SLC5A6: variants seen among roughly 807,000 people sequenced by gnomAD.
SLC5A6 encodes the protein sodium-dependent multivitamin transporter.
A neutral mutation model predicts 67.9 loss-of-function variants in SLC5A6; 31 were observed. The observed-to-expected ratio is 0.46, with a 90% CI of 0.34 to 0.62. The LOEUF (loss-of-function observed/expected upper bound fraction) is 0.62. SLC5A6 is among the 20% of genes least tolerant of loss of function. The pLI, the probability that SLC5A6 is intolerant of heterozygous loss-of-function variation, is 0.01. For synonymous variants in SLC5A6, 343 were observed against 331.0 expected (o/e 1.04, Z -0.39); for missense variants, 673 against 812.8 (o/e 0.83, Z 2.09).
rs1163170087 is a variant in SLC5A6, at chr2:27,201,390, G to C, written c.1608C>G (p.Thr536=). 3 of 1,613,148 alleles carry C rather than the reference G, an allele frequency of 1.9e-6. No individual in the cohort carries two copies. In the Admixed American group the frequency reaches 5.0e-5, roughly 27 times the overall value. The change falls in exon 15 of 17, where the codon ACC becomes ACG. Residue 536 remains threonine, a synonymous_variant. Transcript: ENST00000310574. ...CAATCAGGCCCACCACAATCACTGT[G>C]GTGGAGTTGTGAGCACTGTACCATA... ...SYLWYSAHNS[T]TVIVVGLIVS...
intron 10 of SLC5A6, 150 bp from the exon 11 acceptor site, chr2:27,203,495 G>A: frequency 2.9e-6 from 2 of 690,176 alleles, no homozygotes; most frequent in Non-Finnish European, 4.9e-6. Flanking sequence ...CCTCAGAGCG[G>A]GCCTGGAAGG....
upstream of SLC5A6, chr2:27,212,324 G>A (rs369868002): frequency 5.8e-6 from 9 of 1,549,242 alleles, no homozygotes; most frequent in Non-Finnish European, 6.1e-6. Context: ...GGGCGGGGCC[G>A]CGGGGCCGGG....
chr2:27,201,192 A>G, intron 15 of SLC5A6, 79 bp from the exon 16 acceptor site: 1 of 1,144,072 alleles, frequency 8.7e-7, no homozygotes, highest in Middle Eastern at 2.2e-4. Flanking sequence ...TGGCCCCCAG[A>G]GACCCCAGCC....
Position 27,207,020 on chromosome 2 carries a change from G to T in SLC5A6, c.394-78C>A. ...AGACAAATTCCCTCAAGATGCTCAG[G>T]AACATGAGGGAATATCCAACCCATA... On this transcript the variant is annotated intron_variant, in intron 3 of 16. Coordinates refer to ENST00000310574, the MANE Select transcript of SLC5A6 (RefSeq NM_021095.4). This position sits in a 1 kb window ranked among gnomAD's most constrained non-coding sequence, Gnocchi z 5.5. 1.6e-6 allele frequency: 2 copies of T among 1,272,386 alleles called. No homozygotes were observed. Among genetic ancestry groups the T allele is most frequent in the Non-Finnish European group, 2.3e-6 (2 of 869,116 alleles). The allele number at this position is 1,272,386 out of a possible 1,614,324, so 78.8% of individuals were successfully genotyped here. A position where few individuals can be genotyped will look rare whatever the true frequency, so the allele number is the denominator to read the frequency against.
intron 2 of SLC5A6, among the ~76,000 whole-genome samples, chr2:27,209,138 G>C (rs1387771211): frequency 6.6e-6 from 1 of 152,218 alleles, no homozygotes; most frequent in Non-Finnish European, 1.5e-5. Flanking sequence ...GATGGTTCAA[G>C]TGACCTTTCC....
chr2:27,202,732 T>C (rs1673750331), intron 12 of SLC5A6, 81 bp downstream of exon 12: 3 of 1,230,576 alleles, frequency 2.4e-6, no homozygotes, highest in Non-Finnish European at 3.6e-6. Flanking sequence ...TTCCCCTCAA[T>C]ATAGCTGCCC....
Position 27,204,521 on chromosome 2 carries a change from C to T in SLC5A6, c.945G>A (p.Met315Ile). The T allele has an allele frequency of 1.2e-6, 2 of 1,614,078 alleles. No homozygotes were observed. The highest frequency in any genetic ancestry group is 1.7e-6 in the Non-Finnish European group (2 of 1,179,976). Residue 315 changes from methionine (M) to isoleucine (I), a missense_variant, in exon 9 of 17, where the codon ATG becomes ATA. Coordinates refer to ENST00000310574, the MANE Select transcript of SLC5A6 (RefSeq NM_021095.4). ...LCVGCLIGLV[M>I]FAYYQEYPMS... ...TGGGATACTCCTGGTAATACGCGAA[C>T]ATGACCAGGCCAATGAGGCAGCCCA...
chr2:27,212,075 C>A lies in SLC5A6; in HGVS notation c.-263G>T. On this transcript the variant is annotated 5_prime_UTR_variant, in exon 1 of 17. Coordinates refer to ENST00000310574, the MANE Select transcript of SLC5A6 (RefSeq NM_021095.4). ...CGAAGCCGCGACCTCGGCGTCCGGA[C>A]GCGGGGAACACCGGGCTGAGGGAGT... is the stretch of plus-strand genomic sequence containing the variant. 2 of 1,280,592 alleles carry A rather than the reference C, an allele frequency of 1.6e-6. No individual in the cohort carries two copies. The highest frequency in any genetic ancestry group is 2.1e-6 in the Non-Finnish European group (2 of 955,762). 79.3% of individuals were successfully genotyped at this position (1,280,592 alleles called of 1,614,324 possible).
chr2:27,202,360 G>C (rs752934795), intron 12 of SLC5A6, among the ~76,000 whole-genome samples: 2 of 152,032 alleles, frequency 1.3e-5, no homozygotes, highest in Non-Finnish European at 2.9e-5. Flanking sequence ...AAATTAGCCA[G>C]ACACGGTGGC....
At position 27,207,793 on chromosome 2, in the gene SLC5A6, G is replaced by A. The variant is rs1674184610; in HGVS notation, c.-140-3C>T. The A allele has an allele frequency of 1.3e-6, 1 of 763,342 alleles. No individual in the cohort carries two copies. Among genetic ancestry groups the A allele is most frequent in the Non-Finnish European group, 2.1e-6 (1 of 480,470 alleles). 47.3% of individuals were successfully genotyped at this position (763,342 alleles called of 1,614,324 possible). A position where few individuals can be genotyped will look rare whatever the true frequency, so the allele number is the denominator to read the frequency against. On this transcript the variant is annotated splice_polypyrimidine_tract_variant and splice_region_variant and intron_variant, in intron 2 of 16. Coordinates refer to ENST00000310574, the MANE Select transcript of SLC5A6 (RefSeq NM_021095.4). This position sits in a 1 kb window ranked among gnomAD's most constrained non-coding sequence, Gnocchi z 5.5. ...GGAGTGATACTGTCCAGGGTGAGCTGCAAAGGAATTAGCTCTTAGTGAGGC... is the reference window on the plus strand; with the variant it reads ...GGAGTGATACTGTCCAGGGTGAGCTACAAAGGAATTAGCTCTTAGTGAGGC...
At chr2:27,204,652 C>T in intron 8 of SLC5A6, 62 bp from the exon 9 acceptor site, 3 of 1,602,178 alleles carry the variant, frequency 1.9e-6, no homozygotes. Flanking sequence ...AGGTGTGTGC[C>T]CCTGACCTCC....
Position 27,207,528 on chromosome 2 carries a change from G to A in SLC5A6, c.123C>T (p.Ala41=), listed in dbSNP as rs147895936. The change falls in exon 3 of 17, where the codon GCC becomes GCT. Residue 41 remains alanine (A), a synonymous_variant. Transcript: ENST00000310574. This position sits in a 1 kb window ranked among gnomAD's most constrained non-coding sequence, Gnocchi z 5.5. The part of the protein sequence containing the change: ...VFVLLLVLSL[A]IGLYHACRGW... ...CACGACAAGCATGGTAGAGCCCAAT[G>A]GCAAGAGAGAGAACCAGCAGCAGGA... is the stretch of plus-strand genomic sequence containing the variant. The A allele has an allele frequency of 1.9e-6, 3 of 1,614,104 alleles. No homozygotes were observed. The highest frequency in any genetic ancestry group is 2.5e-6 in the Non-Finnish European group (3 of 1,180,058).
rs577401672 is a variant in SLC5A6 at position 27,204,515 on chromosome 2, C to T, written c.951G>A (p.Ala317=). The T allele has an allele frequency of 2.5e-6, 4 of 1,614,008 alleles. No homozygotes were observed. The African/African-American group carries it at 4.0e-5, about 16-fold the overall frequency. Residue 317 remains alanine (A), a synonymous_variant, in exon 9 of 17, where the codon GCG becomes GCA. Transcript: ENST00000310574. ...VGCLIGLVMF[A]YYQEYPMSIQ... Reference sequence around the variant, plus strand: ...TGCTCATGGGATACTCCTGGTAATACGCGAACATGACCAGGCCAATGAGGC... The same window carrying T: ...TGCTCATGGGATACTCCTGGTAATATGCGAACATGACCAGGCCAATGAGGC...
intron 2 of SLC5A6, among the ~76,000 whole-genome samples, chr2:27,209,532 G>C (rs991093431): frequency 2.0e-5 from 3 of 152,176 alleles, no homozygotes; most frequent in African/African-American, 7.2e-5. Flanking sequence ...CAAAACAAGA[G>C]AGAGAGAAAC....
intron 2 of SLC5A6, among the ~76,000 whole-genome samples, chr2:27,210,670 C>T (rs1030497901): frequency 6.7e-6 from 1 of 149,720 alleles, no homozygotes; most frequent in South Asian, 2.1e-4. Context: ...TCTCAAAACT[C>T]CTGACATGAC....
intron 9 of SLC5A6, 95 bp from the exon 10 acceptor site, chr2:27,203,962 G>T: frequency 1.1e-6 from 1 of 873,018 alleles, no homozygotes; most frequent in Non-Finnish European, 1.9e-6. Flanking sequence ...GCCCCAGCGA[G>T]TCTACCGAGA....
upstream of SLC5A6, chr2:27,212,628 C>G (rs1206574992): frequency 5.7e-6 from 8 of 1,413,262 alleles, no homozygotes; most frequent in East Asian, 5.5e-5. Context: ...CAAGTACTCA[C>G]GTCGTGCAGG....
upstream of SLC5A6, chr2:27,212,473 G>C: frequency 6.4e-7 from 1 of 1,560,636 alleles, no homozygotes; most frequent in Non-Finnish European, 8.7e-7. Context: ...CCGAGGTACA[G>C]AAGCAAGTTT....
Position 27,200,625 on chromosome 2 carries a change from C to T in SLC5A6, c.1765-46G>A, listed in dbSNP as rs990898383. 1.5e-5 allele frequency: 23 copies of T among 1,575,214 alleles called. 1 individual carries two copies. In the South Asian group the frequency reaches 1.8e-4, roughly 12 times the overall value. ...GGGTGGAACTGGTGAAGACGGATGA[C>T]GGGTGCTTGACAGGATTCACACAAA... On this transcript the variant is annotated intron_variant, in intron 16 of 16. Coordinates refer to ENST00000310574, the MANE Select transcript of SLC5A6 (RefSeq NM_021095.4).
Sources: gnomAD v4.1 joint callset for allele counts (sites outside exome capture counted in the v4.1 genomes callset) on GRCh38, gnomAD v4.1.1 for gene constraint, Gnocchi (gnomAD v3.1) non-coding constraint, MANE v1.5 for transcripts, NCBI Gene and HGNC (gene_info 2026-07-23, HGNC 2026-07-21) for gene names.